GOLM2: variants seen among roughly 807,000 people sequenced by gnomAD.
The protein encoded by GOLM2 is protein GOLM2.
Under a neutral mutation model 55.9 loss-of-function variants are expected in GOLM2, and 26 were observed. The observed-to-expected ratio is 0.47, with a 90% confidence interval of 0.34 to 0.65. GOLM2 has a LOEUF of 0.65. Among genes scored for constraint, GOLM2 ranks in the 30% least tolerant of loss-of-function variants. The pLI is 0.01. For synonymous variants in GOLM2, 165 were observed against 194.6 expected, an observed-to-expected ratio of 0.85 and a Z score of 1.27; for missense variants, 486 against 531.8, an observed-to-expected ratio of 0.91 and a Z score of 0.85.
intron 8 of GOLM2, among the ~76,000 whole-genome samples, chr15:44,401,723 T>C (rs2079566304): frequency 6.6e-6 from 1 of 152,212 alleles, no homozygotes; most frequent in South Asian, 2.1e-4. Context: ...TTAGTTGTAT[T>C]GCATTTCTAA....
chr15:44,343,574 C>T (rs1029548117), intron 6 of GOLM2, among the ~76,000 whole-genome samples: 5 of 151,448 alleles, frequency 3.3e-5, no homozygotes, highest in African/African-American at 1.2e-4. Context: ...ACCTGTAATC[C>T]CAGCACTTTA....
chr15:44,311,629 A>G (rs1323279676), intron 1 of GOLM2, among the ~76,000 whole-genome samples: 1 of 152,086 alleles, frequency 6.6e-6, no homozygotes, highest in African/African-American at 2.4e-5. Flanking sequence ...TCATTCTAAC[A>G]TAAACCTAAT....
Position 44,332,098 on chromosome 15 carries a change from T to C in GOLM2, c.576+20T>C, listed in dbSNP as rs1184476243. The C allele has an allele frequency of 2.7e-6, 3 of 1,130,030 alleles. No homozygotes were observed. In the Admixed American group the frequency reaches 6.2e-5, roughly 23 times the overall value. The allele number at this position is 1,130,030 out of a possible 1,614,324, so 70.0% of individuals were successfully genotyped here. On this transcript the variant is annotated intron_variant, in intron 4 of 9. Coordinates refer to ENST00000299957, the MANE Select transcript of GOLM2 (RefSeq NM_138423.4). ...CAAAAGGTAAATTTTAAAAATATAC[T>C]TAAATCCAAATATTTTTATTATAAA...
intron 6 of GOLM2, among the ~76,000 whole-genome samples, chr15:44,373,363 A>T (rs1285335243): frequency 6.6e-6 from 1 of 151,866 alleles, no homozygotes; most frequent in African/African-American, 2.4e-5. Flanking sequence ...AGGCTGAGGC[A>T]GGAGAATGGC....
At chr15:44,350,246 A>AG (rs895555442) in intron 6 of GOLM2, among the ~76,000 whole-genome samples, 1 of 152,166 alleles carries the variant, frequency 6.6e-6, no homozygotes, top group Non-Finnish European at 1.5e-5. Flanking sequence ...AGCCAGACTA[A>AG]GAAAAAAAGA....
chr15:44,328,822 T>A lies in GOLM2; in HGVS notation c.485+35T>A. On this transcript the variant is annotated intron_variant, in intron 3 of 9. Transcript: ENST00000299957. The stretch of plus-strand genomic sequence containing the variant: ...TACATGCAACATATGTTTATGAATC[T>A]AAAATATTTGTCCAGCTTTTGGACT... The A allele has an allele frequency of 4.4e-6, 6 of 1,372,926 alleles. No homozygotes were observed. The South Asian group carries it at 8.6e-5, about 20-fold the overall frequency. The allele number at this position is 1,372,926 out of a possible 1,614,324, so 85.0% of individuals were successfully genotyped here. A position where few individuals can be genotyped will look rare whatever the true frequency, so the allele number is the denominator to read the frequency against.
At chr15:44,303,732 ATTTTTT>A (rs541563417) in intron 1 of GOLM2, among the ~76,000 whole-genome samples, 1 of 130,802 alleles carries the variant, frequency 7.6e-6, no homozygotes, top group Non-Finnish European at 1.6e-5. Flanking sequence ...CACCTGGCTA[ATTTTTT>A]TTTTTTTTTT....
intron 9 of GOLM2, among the ~76,000 whole-genome samples, chr15:44,408,265 G>T (rs905302): frequency 1.3e-5 from 2 of 151,992 alleles, no homozygotes; most frequent in African/African-American, 4.8e-5. Flanking sequence ...GATTTGGTTA[G>T]GTGATTTCAT....
At chr15:44,395,030 G>A (rs1330189492) in intron 8 of GOLM2, among the ~76,000 whole-genome samples, 1 of 147,646 alleles carries the variant, frequency 6.8e-6, no homozygotes, top group Non-Finnish European at 1.5e-5. Context: ...TTTTTTTTGA[G>A]ACGGAGTCTC....
intron 6 of GOLM2, among the ~76,000 whole-genome samples, chr15:44,342,141 G>T (rs988497828): frequency 1.3e-5 from 2 of 151,896 alleles, no homozygotes; most frequent in Non-Finnish European, 2.9e-5. Flanking sequence ...AACACCACGT[G>T]TATTAACATT....
chr15:44,375,077 G>C (rs1463683162), intron 6 of GOLM2, among the ~76,000 whole-genome samples: 1 of 152,042 alleles, frequency 6.6e-6, no homozygotes, highest in Admixed American at 6.6e-5. Context: ...GAGTGCAGTG[G>C]TGCTATCTCG....
At chr15:44,299,909 T>C (rs2141108993) in intron 1 of GOLM2, among the ~76,000 whole-genome samples, 1 of 115,304 alleles carries the variant, frequency 8.7e-6, no homozygotes, top group Admixed American at 1.3e-4. Flanking sequence ...AGGTTGAGGC[T>C]AGCCTGGGCA....
chr15:44,382,628 A>G (rs962123782), intron 8 of GOLM2, among the ~76,000 whole-genome samples: 8 of 152,098 alleles, frequency 5.3e-5, no homozygotes, highest in Non-Finnish European at 8.8e-5. Context: ...CTCCCGGCCA[A>G]GATTTTCTTC....
At chr15:44,366,033 C>T (rs1355928540) in intron 6 of GOLM2, among the ~76,000 whole-genome samples, 6 of 152,094 alleles carry the variant, frequency 3.9e-5, no homozygotes, top group African/African-American at 1.4e-4. Context: ...CGCGGTGGCT[C>T]ACGCCTGTAA....
chr15:44,388,916 C>T (rs1044107679), intron 8 of GOLM2, among the ~76,000 whole-genome samples: 22 of 151,986 alleles, frequency 1.4e-4, no homozygotes, highest in East Asian at 2.0e-4. Context: ...CCCGGGTTCA[C>T]GCCATTCTCC....
chr15:44,373,592 A>G (rs1203782027), intron 6 of GOLM2, among the ~76,000 whole-genome samples: 1 of 151,244 alleles, frequency 6.6e-6, no homozygotes, highest in Non-Finnish European at 1.5e-5. Context: ...TGTCTCTACT[A>G]AAAATACAAA....
At chr15:44,304,396 C>T (rs996908114) in intron 1 of GOLM2, among the ~76,000 whole-genome samples, 6 of 150,502 alleles carry the variant, frequency 4.0e-5, no homozygotes, top group African/African-American at 1.2e-4. Context: ...CGCCCACCAC[C>T]ACACCTGGCT....
intron 1 of GOLM2, among the ~76,000 whole-genome samples, chr15:44,295,385 A>G (rs537611205): frequency 2.0e-5 from 3 of 152,256 alleles, no homozygotes; most frequent in East Asian, 1.9e-4. Flanking sequence ...GGCCTTGAAC[A>G]TGGAAATTCT....
intron 1 of GOLM2, among the ~76,000 whole-genome samples, chr15:44,301,506 C>T (rs1172941826): frequency 6.6e-6 from 1 of 152,004 alleles, no homozygotes; most frequent in African/African-American, 2.4e-5. Flanking sequence ...AATGAGTGAA[C>T]AAGACAGATA....
Sources: allele counts gnomAD v4.1 joint callset (sites outside exome capture counted in the v4.1 genomes callset), GRCh38; gene constraint gnomAD v4.1.1; transcripts MANE v1.5; gene names NCBI Gene and HGNC (gene_info 2026-07-23, HGNC 2026-07-21).